Variants in RBFOX1 observed in about 807,000 individuals in gnomAD.
RBFOX1 encodes the protein RNA binding fox-1 homolog 1, also known as RNA binding protein fox-1 homolog 1.
RBFOX1 carries 8 observed loss-of-function variants against 57.7 expected under a neutral mutation model. That is an observed-to-expected ratio of 0.14 (90% CI 0.08 to 0.25). The LOEUF (loss-of-function observed/expected upper bound fraction) is 0.25, where lower values mean the gene tolerates loss of function less well. RBFOX1 is among the 10% of genes least tolerant of loss of function. The probability of loss-of-function intolerance (pLI) is 1.00; values close to 1 mark genes in which losing one functional copy is unlikely to be tolerated. For synonymous variants in RBFOX1, 326 were observed against 222.4 expected, an observed-to-expected ratio of 1.47 and a Z score of -4.15; for missense variants, 611 against 548.5, an observed-to-expected ratio of 1.11 and a Z score of -1.14.
At chr16:5,795,246 C>G (rs1054280377) in intron 3 of RBFOX1, among the ~76,000 whole-genome samples, 4 of 152,118 alleles carry the variant, frequency 2.6e-5, no homozygotes, top group Admixed American at 6.5e-5. Context: ...CCCAGTGACA[C>G]TTGGTTCCTG....
At chr16:7,466,446 G>A (rs909768443) in intron 4 of RBFOX1, among the ~76,000 whole-genome samples, 2 of 152,170 alleles carry the variant, frequency 1.3e-5, no homozygotes, top group African/African-American at 2.4e-5. Context: ...TAAGAAAAGA[G>A]GGGCTTAGTA....
chr16:6,899,430 T>C (rs2067899707), intron 3 of RBFOX1, among the ~76,000 whole-genome samples: 1 of 152,232 alleles, frequency 6.6e-6, no homozygotes, highest in Non-Finnish European at 1.5e-5. Flanking sequence ...TTACAATTTT[T>C]ACATTTTTAG....
At chr16:7,266,676 G>C (rs936966750) in intron 4 of RBFOX1, among the ~76,000 whole-genome samples, 1 of 152,032 alleles carries the variant, frequency 6.6e-6, no homozygotes, top group African/African-American at 2.4e-5. Flanking sequence ...AAAATAATGA[G>C]GTTTCTGTGT....
intron 3 of RBFOX1, among the ~76,000 whole-genome samples, chr16:6,874,347 C>T (rs1387254659): frequency 6.6e-6 from 1 of 151,698 alleles, no homozygotes; most frequent in Non-Finnish European, 1.5e-5. Context: ...TGCATCTCCA[C>T]TAAAAATACA....
At chr16:5,350,398 C>G (rs1377169900) in intron 1 of RBFOX1, among the ~76,000 whole-genome samples, 1 of 152,098 alleles carries the variant, frequency 6.6e-6, no homozygotes, top group African/African-American at 2.4e-5. Flanking sequence ...GGGGGTGTGT[C>G]AGGCTGACAC....
chr16:6,749,127 C>G (rs1007250958), intron 3 of RBFOX1, among the ~76,000 whole-genome samples: 2 of 152,156 alleles, frequency 1.3e-5, no homozygotes, highest in Non-Finnish European at 2.9e-5. Context: ...TGAGCAACTA[C>G]TAGGAAGGCC....
chr16:7,485,708 T>C (rs1248379966), intron 4 of RBFOX1, among the ~76,000 whole-genome samples: 1 of 152,226 alleles, frequency 6.6e-6, no homozygotes, highest in Non-Finnish European at 1.5e-5. Flanking sequence ...CATCCATATA[T>C]AATGTATATG....
intron 3 of RBFOX1, among the ~76,000 whole-genome samples, chr16:6,864,601 C>G (rs2059589248): frequency 6.7e-6 from 1 of 148,724 alleles, no homozygotes; most frequent in Non-Finnish European, 1.5e-5. Context: ...CTGGATGTGT[C>G]AACGGCAGGA....
At chr16:5,595,778 G>C (rs1220674385) in intron 2 of RBFOX1, among the ~76,000 whole-genome samples, 1 of 152,176 alleles carries the variant, frequency 6.6e-6, no homozygotes, top group African/African-American at 2.4e-5. Flanking sequence ...TTCGAGTTAA[G>C]GAGGAAAATA....
chr16:5,698,964 A>T (rs1229387501), intron 3 of RBFOX1, among the ~76,000 whole-genome samples: 1 of 146,662 alleles, frequency 6.8e-6, no homozygotes, highest in East Asian at 2.0e-4. Flanking sequence ...TATCTCTCTT[A>T]TAAACAGCAC....
chr16:5,665,139 G>GGA (rs1555497035), intron 3 of RBFOX1, among the ~76,000 whole-genome samples: 1 of 115,542 alleles, frequency 8.7e-6, no homozygotes, highest in South Asian at 3.6e-4. Context: ...CATGGGGGGG[G>GGA]GCGGTCTTGC....
In RBFOX1 at chr16:7,032,293, A is replaced by C. The variant is rs1014004548; in HGVS notation, c.-15-19764A>C. Among the ~76,000 whole-genome samples, 13 of 151,866 alleles carry C rather than the reference A, an allele frequency of 8.6e-5. No individual in the cohort carries two copies. The South Asian group carries it at 2.7e-3, about 32-fold the overall frequency. ...AACAAAAACAAAAACAAAACAAAAA[A>C]ATTTAGCTGGGTGTGGTGGGAGGAG... On this transcript the variant is annotated intron_variant, in intron 3 of 15. Coordinates refer to ENST00000550418, the MANE Select transcript of RBFOX1 (RefSeq NM_018723.4).
rs5017059 is a variant in RBFOX1, at chr16:6,009,816, C to G, written c.351+142481C>G. ...GCAGTGTGTGTATGTGTGTGTGTGTCTGTGTGTGTGTGTGTGTGTATAGGG... is the reference window on the plus strand; with the variant it reads ...GCAGTGTGTGTATGTGTGTGTGTGTGTGTGTGTGTGTGTGTGTGTATAGGG... On this transcript the variant is annotated intron_variant, in intron 4 of 19. Coordinates refer to the RBFOX1 transcript ENST00000641259. Among the ~76,000 whole-genome samples the G allele has an allele frequency of 4.0e-3, 588 of 148,512 alleles. 1 individual carries two copies. Among genetic ancestry groups the G allele is most frequent in the African/African-American group, 0.01 (413 of 39,872 alleles).
chr16:6,618,811 G>A (rs1164015341), intron 2 of RBFOX1, among the ~76,000 whole-genome samples: 1 of 152,162 alleles, frequency 6.6e-6, no homozygotes, highest in Admixed American at 6.5e-5. Flanking sequence ...CTGCGTGCCT[G>A]TGCAACTGCA....
intron 1 of RBFOX1, among the ~76,000 whole-genome samples, chr16:6,248,625 A>C (rs2097583698): frequency 6.6e-6 from 1 of 152,104 alleles, no homozygotes; most frequent in South Asian, 2.1e-4. Context: ...TTTTATTCAC[A>C]TTTTAATACA....
intron 1 of RBFOX1, among the ~76,000 whole-genome samples, chr16:6,288,372 G>A (rs547224587): frequency 3.9e-5 from 6 of 152,124 alleles, no homozygotes; most frequent in Non-Finnish European, 7.4e-5. Flanking sequence ...GAAGTTCTGG[G>A]TTAGAGCCTG....
At chr16:5,952,608 A>T (rs554670360) in intron 4 of RBFOX1, among the ~76,000 whole-genome samples, 1 of 152,078 alleles carries the variant, frequency 6.6e-6, no homozygotes, top group African/African-American at 2.4e-5. Context: ...TTTTGTTCTT[A>T]TGTTATTTAC....
At chr16:5,852,520 C>T (rs1445535884) in intron 3 of RBFOX1, among the ~76,000 whole-genome samples, 1 of 152,272 alleles carries the variant, frequency 6.6e-6, no homozygotes, top group East Asian at 1.9e-4. Context: ...TGCAGGCTGG[C>T]TCCGGATGGA....
chr16:6,384,344 G>C (rs2092087891), intron 2 of RBFOX1, among the ~76,000 whole-genome samples: 1 of 152,044 alleles, frequency 6.6e-6, no homozygotes, highest in Admixed American at 6.6e-5. Context: ...TACAAATATT[G>C]CAGTAAAATT....
Sources: gnomAD v4.1 joint callset for allele counts (sites outside exome capture counted in the v4.1 genomes callset) on GRCh38, gnomAD v4.1.1 for gene constraint, MANE v1.5 for transcripts, NCBI Gene and HGNC (gene_info 2026-07-23, HGNC 2026-07-21) for gene names.